Variants in SPON1 observed in about 807,000 individuals in gnomAD.
The protein encoded by SPON1 is spondin-1.
A neutral mutation model predicts 111.7 loss-of-function variants in SPON1; 52 were observed. The observed-to-expected ratio is 0.47, with a 90% CI of 0.37 to 0.59. The LOEUF (loss-of-function observed/expected upper bound fraction) is 0.59, where lower values mean the gene tolerates loss of function less well. SPON1 is among the 20% of genes least tolerant of loss of function. The pLI is 0.00. For synonymous variants in SPON1, 410 were observed against 395.8 expected, an observed-to-expected ratio of 1.04 and a Z score of -0.43; for missense variants, 957 against 1,068.5, an observed-to-expected ratio of 0.90 and a Z score of 1.46.
intron 2 of SPON1, among the ~76,000 whole-genome samples, chr11:14,001,289 CA>C (rs1394543575): frequency 1.3e-5 from 2 of 152,196 alleles, no homozygotes; most frequent in Non-Finnish European, 2.9e-5. Context: ...GGGACTCCCA[CA>C]CTTTTGTGAA....
intron 2 of SPON1, among the ~76,000 whole-genome samples, chr11:14,026,427 C>T (rs1413557176): frequency 6.6e-6 from 1 of 152,186 alleles, no homozygotes; most frequent in Non-Finnish European, 1.5e-5. Context: ...GTAAGATATA[C>T]ATCTGTGCAT....
At chr11:14,079,027 G>A (rs1591369607) in intron 4 of SPON1, among the ~76,000 whole-genome samples, 5 of 152,106 alleles carry the variant, frequency 3.3e-5, no homozygotes, top group Admixed American at 3.3e-4. Flanking sequence ...AAAAAATTAT[G>A]TTAATACTAC....
chr11:14,051,665 A>C (rs1848708808), intron 3 of SPON1, among the ~76,000 whole-genome samples: 1 of 152,100 alleles, frequency 6.6e-6, no homozygotes, highest in African/African-American at 2.4e-5. Context: ...TGGCACCTTG[A>C]TCTTAGACTT....
chr11:13,996,016 T>C (rs1848269305), intron 2 of SPON1, among the ~76,000 whole-genome samples: 2 of 152,236 alleles, frequency 1.3e-5, no homozygotes, highest in South Asian at 2.1e-4. Flanking sequence ...CTTAGAGTCG[T>C]TGAAATTTCA....
At chr11:14,065,319 C>T (rs547028641) in intron 3 of SPON1, among the ~76,000 whole-genome samples, 1 of 152,282 alleles carries the variant, frequency 6.6e-6, no homozygotes, top group South Asian at 2.1e-4. Context: ...GAAGCCAAGG[C>T]AAAGTGGGAC....
chr11:14,017,647 C>T (rs1370171078), intron 2 of SPON1, among the ~76,000 whole-genome samples: 1 of 152,124 alleles, frequency 6.6e-6, no homozygotes, highest in Non-Finnish European at 1.5e-5. Context: ...GGCCACCTTG[C>T]CTAAAGTAGC....
At chr11:14,089,547 T>G (rs1466695209) in intron 5 of SPON1, among the ~76,000 whole-genome samples, 1 of 152,172 alleles carries the variant, frequency 6.6e-6, no homozygotes, top group Admixed American at 6.5e-5. Flanking sequence ...CAGCTGGAGC[T>G]CTCCTGTATG....
chr11:14,259,639 C>G lies in SPON1; in HGVS notation c.1769C>G (p.Ala590Gly). The G allele has an allele frequency of 6.4e-7, 1 of 1,565,830 alleles. No individual in the cohort carries two copies. The highest frequency in any genetic ancestry group is 8.7e-7 in the Non-Finnish European group (1 of 1,155,366). The change falls in exon 13 of 16, where the codon GCA becomes GGA. Residue 590 changes from alanine to glycine, a missense_variant. Physicochemically the swap from Ala to Gly is moderately conservative, Grantham distance 60 (BLOSUM62 0). Coordinates refer to ENST00000576479, the MANE Select transcript of SPON1 (RefSeq NM_006108.4). This position sits in a 1 kb window ranked among gnomAD's most constrained non-coding sequence, Gnocchi z 5.0. ...KRHRMIKMNP[A>G]DGSMCKAETS... Reference sequence around the variant, plus strand: ...CACCGCATGATCAAGATGAACCCCGCAGATGGCTCCATGTGCAAAGCCGAG... The same window carrying G: ...CACCGCATGATCAAGATGAACCCCGGAGATGGCTCCATGTGCAAAGCCGAG...
At chr11:14,105,833 C>T (rs1019929332) in intron 5 of SPON1, among the ~76,000 whole-genome samples, 1 of 152,172 alleles carries the variant, frequency 6.6e-6, no homozygotes, top group Non-Finnish European at 1.5e-5. Context: ...TTCTTGAGCA[C>T]ATCATGTCCT....
At position 14,263,098 on chromosome 11, in the gene SPON1, G is replaced by A. The variant is rs547377054; in HGVS notation, c.2260+123G>A. 9.3e-4 allele frequency: 941 copies of A among 1,011,082 alleles called. 4 individuals are homozygous for A. Among genetic ancestry groups the A allele is most frequent in the South Asian group, 7.0e-3 (398 of 56,566 alleles). 62.6% of individuals were successfully genotyped at this position (1,011,082 alleles called of 1,614,324 possible). On this transcript the variant is annotated intron_variant, in intron 15 of 15. Transcript: ENST00000576479. ...AAGTCGGGGAGAGTCTGCATCTTCTGGAGTCTTCAGGCCACATTTTGATTC... is the reference window on the plus strand; with the variant it reads ...AAGTCGGGGAGAGTCTGCATCTTCTAGAGTCTTCAGGCCACATTTTGATTC...
chr11:13,976,989 G>T (rs1229524602), intron 1 of SPON1, among the ~76,000 whole-genome samples: 1 of 152,194 alleles, frequency 6.6e-6, no homozygotes, highest in African/African-American at 2.4e-5. Context: ...TCTGTCACTT[G>T]AGATTACGTT....
chr11:13,981,526 C>A (rs1489803758), intron 1 of SPON1, among the ~76,000 whole-genome samples: 1 of 152,206 alleles, frequency 6.6e-6, no homozygotes, highest in African/African-American at 2.4e-5. Flanking sequence ...CGGGGTTTCA[C>A]CGTGTTAGCC....
chr11:14,155,097 G>T (rs1847828127), intron 6 of SPON1, among the ~76,000 whole-genome samples: 1 of 152,104 alleles, frequency 6.6e-6, no homozygotes, highest in African/African-American at 2.4e-5. Context: ...TCAGCTTTTG[G>T]TCACAACAAT....
chr11:14,122,863 C>T (rs1176094130), intron 5 of SPON1, among the ~76,000 whole-genome samples: 1 of 151,874 alleles, frequency 6.6e-6, no homozygotes, highest in East Asian at 1.9e-4. Context: ...ATCTCAGGAA[C>T]TCCTGTTATT....
intron 6 of SPON1, among the ~76,000 whole-genome samples, chr11:14,225,245 T>A (rs922868316): frequency 1.3e-5 from 2 of 152,166 alleles, no homozygotes; most frequent in Non-Finnish European, 2.9e-5. Context: ...GTAACAATGG[T>A]TATCTGTGGG....
chr11:14,234,229 G>T (rs2133913751), intron 6 of SPON1, among the ~76,000 whole-genome samples: 1 of 152,324 alleles, frequency 6.6e-6, no homozygotes, highest in South Asian at 2.1e-4. Flanking sequence ...GCCCTTGCTT[G>T]ATGTTCTCTC....
At chr11:14,189,780 T>C (rs1164015172) in intron 6 of SPON1, among the ~76,000 whole-genome samples, 2 of 152,214 alleles carry the variant, frequency 1.3e-5, no homozygotes, top group African/African-American at 4.8e-5. Context: ...ACACTCAGTC[T>C]CCAAGTCTTT....
intron 6 of SPON1, among the ~76,000 whole-genome samples, chr11:14,178,421 CAAA>C (rs35221896): frequency 1.3e-4 from 16 of 123,946 alleles, no homozygotes; most frequent in Admixed American, 1.6e-4. Flanking sequence ...GACTCCGTCT[CAAA>C]AAAAAAAAAA....
chr11:13,997,331 T>C (rs1554911914), intron 2 of SPON1, among the ~76,000 whole-genome samples: 1 of 152,238 alleles, frequency 6.6e-6, no homozygotes. Context: ...ACTTTGGGTT[T>C]TGGAATCATT....
Sources: gnomAD v4.1 joint callset for allele counts (sites outside exome capture counted in the v4.1 genomes callset) on GRCh38, gnomAD v4.1.1 for gene constraint, Gnocchi (gnomAD v3.1) non-coding constraint, MANE v1.5 for transcripts, NCBI Gene and HGNC (gene_info 2026-07-23, HGNC 2026-07-21) for gene names.